Variants in CIITA observed in about 807,000 individuals in gnomAD.
CIITA encodes the protein MHC class II transactivator.
CIITA carries 72 observed loss-of-function variants against 115.1 expected under a neutral mutation model. The ratio of observed to expected loss-of-function variants is 0.63; its 90% CI spans 0.52 to 0.76. The LOEUF (loss-of-function observed/expected upper bound fraction) is 0.76, where lower values mean the gene tolerates loss of function less well. CIITA is among the 30% of genes least tolerant of loss of function. CIITA has a pLI of 0.00. For synonymous variants in CIITA, 763 were observed against 635.6 expected (o/e 1.20, Z -3.02); for missense variants, 1,617 against 1,463.8 (o/e 1.10, Z -1.71).
chr16:10,941,530 C>T lies in CIITA; in HGVS notation n.656C>T. The T allele has an allele frequency of 7.1e-7, 1 of 1,405,102 alleles. No individual in the cohort carries two copies. Among genetic ancestry groups the T allele is most frequent in the Middle Eastern group, 2.7e-4 (1 of 3,762 alleles). 87.0% of individuals were successfully genotyped at this position (1,405,102 alleles called of 1,614,324 possible). ...AATTCCTCCCTCTCCCTTGCTAGCGCCCCAACCCGCCCTCATCCTGTTCAG... is the reference window on the plus strand; with the variant it reads ...AATTCCTCCCTCTCCCTTGCTAGCGTCCCAACCCGCCCTCATCCTGTTCAG... On this transcript the variant is annotated non_coding_transcript_exon_variant, in exon 2 of 2. Transcript: ENST00000573379. This position sits in a 1 kb window ranked among gnomAD's most constrained non-coding sequence, Gnocchi z 6.4.
upstream of CIITA, among the ~76,000 whole-genome samples, chr16:10,872,275 A>C (rs2035538837): frequency 6.6e-6 from 1 of 151,988 alleles, no homozygotes; most frequent in Non-Finnish European, 1.5e-5. Context: ...GGCGCCTGCC[A>C]CCATGCCGAG....
rs2144720528 is a variant in CIITA at position 10,907,264 on chromosome 16, A to G, written c.1772A>G (p.Gln591Arg). 2 of 1,613,236 alleles carry G rather than the reference A, an allele frequency of 1.2e-6. No individual in the cohort carries two copies. Among genetic ancestry groups the G allele is most frequent in the South Asian group, 1.1e-5 (1 of 91,068 alleles). Residue 591 changes from glutamine (Q) to arginine (R), a missense_variant, in exon 11 of 20, where the codon CAA becomes CGA. Physicochemically the swap from Gln to Arg is conservative, Grantham distance 43. Coordinates refer to ENST00000324288, the MANE Select transcript of CIITA (RefSeq NM_000246.4). The surrounding 1 kb of genome is among the most constrained non-coding windows in gnomAD (Gnocchi z 5.0). ...YFESSGMTEHQDRALTLLRDR... is the reference protein window; with the variant it reads ...YFESSGMTEHRDRALTLLRDR... ...GAGAGCTCAGGGATGACAGAGCACC[A>G]AGACAGAGCCCTGACGCTCCTCCGG...
At chr16:10,870,215 T>C (rs1273215188) in intron 1 of CIITA, among the ~76,000 whole-genome samples, 1 of 146,656 alleles carries the variant, frequency 6.8e-6, no homozygotes, top group Non-Finnish European at 1.5e-5. Flanking sequence ...TTTAGCTTCC[T>C]CTTCTAAACA....
rs2041014315 is a variant in CIITA at position 10,936,156 on chromosome 16, A to G, written c.*12301A>G. 1 of 148,930 alleles carries G rather than the reference A, an allele frequency of 6.7e-6. No individual in the cohort carries two copies. Among genetic ancestry groups the G allele is most frequent in the African/African-American group, 2.5e-5 (1 of 40,540 alleles). The allele number at this position is 148,930 out of a possible 1,614,324, so 9.2% of individuals were successfully genotyped here. On this transcript the variant is annotated 3_prime_UTR_variant, in exon 20 of 20. Coordinates refer to ENST00000324288, the MANE Select transcript of CIITA (RefSeq NM_000246.4). ...TGGGCGTGTACCACAACACCTCGCTATTTTTTTTTTCCTACTTTTTGTAGA... is the reference window on the plus strand; with the variant it reads ...TGGGCGTGTACCACAACACCTCGCTGTTTTTTTTTTCCTACTTTTTGTAGA...
intron 1 of CIITA, among the ~76,000 whole-genome samples, chr16:10,868,714 C>G (rs1480872150): frequency 6.6e-6 from 1 of 152,186 alleles, no homozygotes; most frequent in Non-Finnish European, 1.5e-5. Flanking sequence ...CTGCCGGACA[C>G]TTCAGCCCCT....
Position 10,941,484 on chromosome 16 carries a change from G to C in CIITA, n.610G>C, listed in dbSNP as rs147841778. On this transcript the variant is annotated non_coding_transcript_exon_variant, in exon 2 of 2. Transcript: ENST00000573379. This position sits in a 1 kb window ranked among gnomAD's most constrained non-coding sequence, Gnocchi z 6.4. The stretch of plus-strand genomic sequence containing the variant: ...GTGAACGGAGGAGAAGCCTGAGGGA[G>C]GGGTGTGTATCCGGCCTGGGAATTC... The C allele has an allele frequency of 3.8e-3, 4,875 of 1,288,568 alleles. 26 individuals carry two copies. The highest frequency in any genetic ancestry group is 0.017 in the Middle Eastern group (58 of 3,448). 79.8% of individuals were successfully genotyped at this position (1,288,568 alleles called of 1,614,324 possible).
At position 10,898,006 on chromosome 16, in the gene CIITA, C is replaced by G. The variant is rs180678227; in HGVS notation, c.296-664C>G. 2.0e-5 allele frequency among the ~76,000 whole-genome samples: 3 copies of G among 152,272 alleles called. No individual in the cohort carries two copies. In the East Asian group the frequency reaches 5.8e-4, roughly 29 times the overall value. On this transcript the variant is annotated intron_variant, in intron 3 of 19. Coordinates refer to ENST00000324288, the MANE Select transcript of CIITA (RefSeq NM_000246.4). ...GTTTCCTCACTCTGCCACTGTGACCCAGAAAGCTATCTGTTCTCCTTCTCC... is the reference window on the plus strand; with the variant it reads ...GTTTCCTCACTCTGCCACTGTGACCGAGAAAGCTATCTGTTCTCCTTCTCC...
In CIITA at chr16:10,932,653, A is replaced by T. The variant is rs1370890453; in HGVS notation, c.*8798A>T. The T allele has an allele frequency of 2.1e-5, 3 of 143,316 alleles. No individual in the cohort carries two copies. Among genetic ancestry groups the T allele is most frequent in the African/African-American group, 7.7e-5 (3 of 38,726 alleles). The allele number at this position is 143,316 out of a possible 1,614,324, so 8.9% of individuals were successfully genotyped here. ...ATGAGCTAAAAAATAAAACAAAATC[A>T]CACACACACACACAAAAAAACACAA... is the stretch of plus-strand genomic sequence containing the variant. On this transcript the variant is annotated 3_prime_UTR_variant, in exon 20 of 20. Coordinates refer to ENST00000324288, the MANE Select transcript of CIITA (RefSeq NM_000246.4).
At chr16:10,880,521 A>T (rs2036318504) in intron 1 of CIITA, among the ~76,000 whole-genome samples, 1 of 152,178 alleles carries the variant, frequency 6.6e-6, no homozygotes, top group South Asian at 2.1e-4. Context: ...CAGTTTGCAG[A>T]CGCAGGATTT....
chr16:10,896,129 T>C, intron 3 of CIITA, among the ~76,000 whole-genome samples: 1 of 152,228 alleles, frequency 6.6e-6, no homozygotes. Context: ...GCTACTCTAG[T>C]ATTTGTAATA....
At chr16:10,890,070 G>T (rs1267186681) in intron 1 of CIITA, among the ~76,000 whole-genome samples, 1 of 152,184 alleles carries the variant, frequency 6.6e-6, no homozygotes, top group Non-Finnish European at 1.5e-5. Flanking sequence ...TCACCCAAGA[G>T]GAAGTGCTTA....
rs1418088482 is a variant in CIITA, at chr16:10,902,127, T to A, written c.571T>A (p.Phe191Ile). 1 of 1,614,146 alleles carries A rather than the reference T, an allele frequency of 6.2e-7. No homozygotes were observed. Among genetic ancestry groups the A allele is most frequent in the South Asian group, 1.1e-5 (1 of 91,086 alleles). Residue 191 changes from phenylalanine to isoleucine, a missense_variant, in exon 7 of 20, where the codon TTC (phenylalanine) becomes ATC (isoleucine). Physicochemically the swap from Phe to Ile is conservative, Grantham distance 21. Transcript: ENST00000324288. ...TLPCLPLPAL[F>I]NQEPASGQMR... ...GCCCTGCCTGCCACTGCCTGCGCTG[T>A]TCAACCAGGAGCCAGCCTCCGGCCA...
chr16:10,914,085 T>C (rs1008480914), intron 13 of CIITA, among the ~76,000 whole-genome samples: 10 of 152,200 alleles, frequency 6.6e-5, no homozygotes, highest in Non-Finnish European at 1.2e-4. Flanking sequence ...ATTATCTGTC[T>C]ATCTTCCCCC....
At chr16:10,875,348 A>T (rs2035759638), upstream of CIITA, among the ~76,000 whole-genome samples, 1 of 152,078 alleles carries the variant, frequency 6.6e-6, no homozygotes, top group African/African-American at 2.4e-5. Flanking sequence ...CTTATTTGTC[A>T]ATTTCTACCC....
chr16:10,876,243 G>A (rs1014617644), upstream of CIITA, among the ~76,000 whole-genome samples: 6 of 152,124 alleles, frequency 3.9e-5, no homozygotes, highest in Non-Finnish European at 7.3e-5. Context: ...TCCAACTCCC[G>A]GCTTCAAGCA....
intron 14 of CIITA, 78 bp from the exon 15 acceptor site, chr16:10,916,289 G>A: frequency 1.5e-6 from 2 of 1,362,126 alleles, no homozygotes; most frequent in South Asian, 2.4e-5. Flanking sequence ...CCAGGGCTGA[G>A]GAGGCCCTCA....
In CIITA at chr16:10,907,892, A is replaced by C; in HGVS notation, c.2400A>C (p.Thr800=). 6.3e-7 allele frequency: 1 copy of C among 1,592,358 alleles called. No individual in the cohort carries two copies. The highest frequency in any genetic ancestry group is 1.3e-5 in the African/African-American group (1 of 74,220). ...ACCTGAAGCGGCTGCAGCCGGGGAC[A>C]CTGCGGGCGCGGCAGCTGCTGGAGC... ...ARYLKRLQPG[T]LRARQLLELL... is the part of the protein sequence containing the mutation. Residue 800 remains threonine (T), a synonymous_variant, in exon 11 of 20, where the codon ACA becomes ACC. Transcript: ENST00000324288. This position sits in a 1 kb window ranked among gnomAD's most constrained non-coding sequence, Gnocchi z 5.0.
chr16:10,906,813 C>G lies in CIITA; in HGVS notation c.1321C>G (p.Arg441Gly). ...AGTGAGCCGGGCCTGGGCTTGTGGCCGGCTTCCCCAGTACGACTTTGTCTT... is the reference window on the plus strand; with the variant it reads ...AGTGAGCCGGGCCTGGGCTTGTGGCGGGCTTCCCCAGTACGACTTTGTCTT... ...GAVSRAWACG[R>G]LPQYDFVFSV... is the part of the protein sequence containing the mutation. Residue 441 changes from arginine to glycine, a missense_variant, in exon 11 of 20, where the codon CGG (arginine) becomes GGG (glycine). Physicochemically the swap from Arg to Gly is moderately radical, Grantham distance 125. Coordinates refer to ENST00000324288, the MANE Select transcript of CIITA (RefSeq NM_000246.4). The G allele has an allele frequency of 6.2e-7, 1 of 1,612,690 alleles. No homozygotes were observed. Among genetic ancestry groups the G allele is most frequent in the Non-Finnish European group, 8.5e-7 (1 of 1,180,032 alleles).
intron 11 of CIITA, 92 bp from the exon 12 acceptor site, chr16:10,908,936 AT>A: frequency 6.3e-7 from 1 of 1,579,390 alleles, no homozygotes; most frequent in Non-Finnish European, 8.7e-7. Context: ...GAAAGAAAGT[AT>A]TTTAATAGGT....
Sources: allele counts gnomAD v4.1 joint callset (sites outside exome capture counted in the v4.1 genomes callset), GRCh38; gene constraint gnomAD v4.1.1; non-coding constraint Gnocchi (gnomAD v3.1); transcripts MANE v1.5; gene names NCBI Gene and HGNC (gene_info 2026-07-23, HGNC 2026-07-21).